The following CCSER1 variants were observed in gnomAD, a reference collection of about 807,000 sequenced individuals.
CCSER1 encodes coiled-coil serine rich protein 1.
Under a neutral mutation model 82.0 loss-of-function variants are expected in CCSER1, and 41 were observed. That is an observed-to-expected ratio of 0.50 (90% confidence interval 0.39 to 0.65). The LOEUF (loss-of-function observed/expected upper bound fraction) is 0.65. CCSER1 is among the 30% of genes least tolerant of loss of function. The pLI is 0.00. For synonymous variants in CCSER1, 414 were observed against 383.9 expected, an observed-to-expected ratio of 1.08 and a Z score of -0.92; for missense variants, 1,119 against 1,064.2, an observed-to-expected ratio of 1.05 and a Z score of -0.72.
At position 90,845,807 on chromosome 4, in the gene CCSER1, G is replaced by GAA. The variant is rs34846300; in HGVS notation, c.2094+29974_2094+29975dup. Among the ~76,000 whole-genome samples, 788 of 141,450 alleles carry GAA rather than the reference G, an allele frequency of 5.6e-3. 5 individuals are homozygous for GAA. Among genetic ancestry groups the GAA allele is most frequent in the African/African-American group, 8.5e-3 (330 of 38,658 alleles). The allele number at this position is 141,450 out of a possible 152,430, so 92.8% of individuals were successfully genotyped here. A position where few individuals can be genotyped will look rare whatever the true frequency, so the allele number is the denominator to read the frequency against. The stretch of plus-strand genomic sequence containing the variant: ...ATAATGTTTTTCTTATTTCAACTGT[G>GAA]AAAAAAAAAAAAACCAGATTTTCTT... On this transcript the variant is annotated intron_variant, in intron 8 of 10. Coordinates refer to ENST00000509176, the MANE Select transcript of CCSER1 (RefSeq NM_001145065.2).
chr4:91,320,450 T>C (rs1255093654), intron 10 of CCSER1, among the ~76,000 whole-genome samples: 2 of 151,984 alleles, frequency 1.3e-5, no homozygotes, highest in Non-Finnish European at 2.9e-5. Context: ...AATTAAAGAA[T>C]TTTTCCTAAT....
At chr4:91,103,576 A>G (rs1055117880) in intron 10 of CCSER1, among the ~76,000 whole-genome samples, 5 of 152,216 alleles carry the variant, frequency 3.3e-5, no homozygotes, top group Non-Finnish European at 7.3e-5. Flanking sequence ...ACTGTGGCAG[A>G]GGAACATAAA....
intron 10 of CCSER1, among the ~76,000 whole-genome samples, chr4:91,175,736 A>C (rs1733265290): frequency 6.6e-6 from 1 of 152,126 alleles, no homozygotes; most frequent in Admixed American, 6.5e-5. Flanking sequence ...CCTTTGTCAG[A>C]TGGGTAGATG....
chr4:90,701,080 T>C (rs899418194), intron 6 of CCSER1, among the ~76,000 whole-genome samples: 5 of 152,298 alleles, frequency 3.3e-5, no homozygotes, highest in Admixed American at 6.5e-5. Context: ...CTGAATGGTA[T>C]TGCCTAGGTT....
intron 5 of CCSER1, among the ~76,000 whole-genome samples, chr4:90,505,035 G>T (rs976143175): frequency 1.3e-5 from 2 of 152,174 alleles, no homozygotes; most frequent in African/African-American, 2.4e-5. Context: ...GGCATTGCAA[G>T]GTCAACACAA....
intron 10 of CCSER1, among the ~76,000 whole-genome samples, chr4:91,106,463 G>C (rs988962681): frequency 1.3e-5 from 2 of 152,124 alleles, no homozygotes; most frequent in African/African-American, 2.4e-5. Context: ...TTCCTTGAGA[G>C]CATTAACTAA....
chr4:91,481,012 ATC>A (rs930423444), intron 10 of CCSER1, among the ~76,000 whole-genome samples: 1 of 150,392 alleles, frequency 6.6e-6, no homozygotes, highest in African/African-American at 2.5e-5. Flanking sequence ...CTGATTTTAT[ATC>A]TGTTTTCCTC....
intron 7 of CCSER1, among the ~76,000 whole-genome samples, chr4:90,798,597 C>T (rs1430798321): frequency 1.3e-5 from 2 of 152,266 alleles, no homozygotes; most frequent in Middle Eastern, 3.4e-3. Flanking sequence ...TCTATTTCAT[C>T]TTTGTGGGCT....
chr4:90,967,057 G>C (rs1734633617), intron 9 of CCSER1, among the ~76,000 whole-genome samples: 2 of 152,050 alleles, frequency 1.3e-5, no homozygotes, highest in African/African-American at 4.8e-5. Context: ...CAGAGAGATT[G>C]ATAAATTAAA....
At chr4:91,105,218 G>C (rs181471501) in intron 10 of CCSER1, among the ~76,000 whole-genome samples, 1 of 151,362 alleles carries the variant, frequency 6.6e-6, no homozygotes, top group Non-Finnish European at 1.5e-5. Context: ...GGAGGTCCTG[G>C]GGGATAGGGC....
intron 4 of CCSER1, among the ~76,000 whole-genome samples, chr4:90,438,094 A>G (rs1759308906): frequency 6.6e-6 from 1 of 152,138 alleles, no homozygotes; most frequent in Admixed American, 6.5e-5. Flanking sequence ...ACATTGAAAA[A>G]GCTTATTGCT....
chr4:90,391,456 A>G (rs1256411208), intron 3 of CCSER1, among the ~76,000 whole-genome samples: 1 of 81,342 alleles, frequency 1.2e-5, no homozygotes, highest in Non-Finnish European at 2.2e-5. Context: ...ATATATATAT[A>G]TATATATATA....
intron 1 of CCSER1, among the ~76,000 whole-genome samples, chr4:90,157,981 G>A (rs139834805): frequency 6.6e-6 from 1 of 151,968 alleles, no homozygotes; most frequent in Non-Finnish European, 1.5e-5. Context: ...TTTTCTGCTC[G>A]GTTTTTCCCC....
intron 5 of CCSER1, among the ~76,000 whole-genome samples, chr4:90,541,194 G>T (rs1776055256): frequency 6.6e-6 from 1 of 152,024 alleles, no homozygotes; most frequent in Non-Finnish European, 1.5e-5. Context: ...TGTAGAAATT[G>T]CTGAGTATCA....
At chr4:91,490,399 A>G (rs2110067544) in intron 10 of CCSER1, among the ~76,000 whole-genome samples, 1 of 152,294 alleles carries the variant, frequency 6.6e-6, no homozygotes, top group East Asian at 1.9e-4. Context: ...AAGATGGAGT[A>G]GTATTTAGCC....
At chr4:91,516,910 G>T (rs1760155425) in intron 10 of CCSER1, among the ~76,000 whole-genome samples, 1 of 152,072 alleles carries the variant, frequency 6.6e-6, no homozygotes, top group African/African-American at 2.4e-5. Context: ...TCATTGCAGA[G>T]ATTTTTCATT....
intron 1 of CCSER1, among the ~76,000 whole-genome samples, chr4:90,303,049 T>TA (rs1560983185): frequency 6.6e-6 from 1 of 152,136 alleles, no homozygotes; most frequent in Non-Finnish European, 1.5e-5. Flanking sequence ...AAGTTCATAT[T>TA]AAAAATAAAA....
intron 5 of CCSER1, among the ~76,000 whole-genome samples, chr4:90,605,515 G>T (rs1784588416): frequency 6.6e-6 from 1 of 152,132 alleles, no homozygotes; most frequent in African/African-American, 2.4e-5. Context: ...AATATTATAT[G>T]CATGTAAGAC....
intron 10 of CCSER1, among the ~76,000 whole-genome samples, chr4:91,198,108 A>G (rs926819137): frequency 6.6e-6 from 1 of 152,192 alleles, no homozygotes; most frequent in Non-Finnish European, 1.5e-5. Flanking sequence ...ATTAATTTTC[A>G]TAGTTCCTTA....
Sources: gnomAD v4.1 joint callset for allele counts (sites outside exome capture counted in the v4.1 genomes callset) on GRCh38, gnomAD v4.1.1 for gene constraint, MANE v1.5 for transcripts, NCBI Gene and HGNC (gene_info 2026-07-23, HGNC 2026-07-21) for gene names.